CMPK1: variants seen among roughly 807,000 people sequenced by gnomAD.
CMPK1 encodes UMP-CMP kinase.
CMPK1 carries 10 observed loss-of-function variants against 25.7 expected under a neutral mutation model. That is an observed-to-expected ratio of 0.39 (90% CI 0.24 to 0.66). CMPK1 has a LOEUF of 0.66. Ranked by LOEUF, CMPK1 falls within the 30% of genes least tolerant of loss-of-function variation. CMPK1 has a pLI of 0.48. For synonymous variants in CMPK1, 106 were observed against 101.5 expected, an observed-to-expected ratio of 1.04 and a Z score of -0.27; for missense variants, 199 against 280.5, an observed-to-expected ratio of 0.71 and a Z score of 2.08.
chr1:47,345,442 G>A (rs1339072292), intron 1 of CMPK1, among the ~76,000 whole-genome samples: 1 of 150,824 alleles, frequency 6.6e-6, no homozygotes, highest in Non-Finnish European at 1.5e-5. Flanking sequence ...TTGAAGAAAT[G>A]ATACATAGAA....
At position 47,376,645 on chromosome 1, in the gene CMPK1, C is replaced by T. The variant is rs1646710451; in HGVS notation, c.646-59C>T. ...TTGATTATTTTTAATAAGAACTTAG[C>T]TGTATGGTATTTTAACAGTACCTGC... On this transcript the variant is annotated intron_variant, in intron 5 of 5. Transcript: ENST00000371873. 4.7e-6 allele frequency: 5 copies of T among 1,068,878 alleles called. No individual in the cohort carries two copies. In the African/African-American group the frequency reaches 4.7e-5, roughly 10 times the overall value. The allele number at this position is 1,068,878 out of a possible 1,614,324, so 66.2% of individuals were successfully genotyped here.
At chr1:47,349,240 G>A (rs1646505214) in intron 1 of CMPK1, among the ~76,000 whole-genome samples, 1 of 152,128 alleles carries the variant, frequency 6.6e-6, no homozygotes, top group African/African-American at 2.4e-5. Context: ...GCTTGAAGAC[G>A]AAAGACTGCA....
chr1:47,343,450 G>T (rs983152134), intron 1 of CMPK1, among the ~76,000 whole-genome samples: 2 of 151,424 alleles, frequency 1.3e-5, no homozygotes, highest in African/African-American at 4.8e-5. Flanking sequence ...GGACGTCGTA[G>T]TGAGCCAAGA....
At chr1:47,369,254 C>T (rs6698471) in intron 2 of CMPK1, among the ~76,000 whole-genome samples, 40,674 of 152,032 alleles carry the variant, frequency 0.27, 5,715 homozygotes, top group Non-Finnish European at 0.31. Flanking sequence ...GATCCTCTCA[C>T]CTCGGCCTCC....
At chr1:47,337,637 G>A (rs1282029502) in intron 1 of CMPK1, among the ~76,000 whole-genome samples, 1 of 146,164 alleles carries the variant, frequency 6.8e-6, no homozygotes, top group Non-Finnish European at 1.5e-5. Flanking sequence ...TTTTTGAGAC[G>A]AAGTGTCACG....
chr1:47,347,297 A>C (rs775980296), intron 1 of CMPK1, among the ~76,000 whole-genome samples: 2 of 149,932 alleles, frequency 1.3e-5, no homozygotes, highest in Non-Finnish European at 3.0e-5. Context: ...GCAGCCTCCA[A>C]CTCCTGGACT....
At chr1:47,334,929 C>G (rs1174733385) in intron 1 of CMPK1, among the ~76,000 whole-genome samples, 1 of 152,092 alleles carries the variant, frequency 6.6e-6, no homozygotes, top group East Asian at 1.9e-4. Context: ...AATGCTGTTA[C>G]TTTTTTTTCT....
chr1:47,356,982 G>C (rs1397524048), intron 1 of CMPK1, among the ~76,000 whole-genome samples: 4 of 68,928 alleles, frequency 5.8e-5, no homozygotes, highest in Middle Eastern at 0.02. Flanking sequence ...TTTTTTTTTT[G>C]AGACCGAGTC....
Position 47,355,838 on chromosome 1 carries a change from C to T in CMPK1, c.172-12631C>T, listed in dbSNP as rs377329206. Reference sequence around the variant, plus strand: ...GCCAGGCTGGTCTTGAATTTGACCTCGGGTGATTAGCCCACCTCAGCCTCC... The same window carrying T: ...GCCAGGCTGGTCTTGAATTTGACCTTGGGTGATTAGCCCACCTCAGCCTCC... On this transcript the variant is annotated intron_variant, in intron 1 of 5. Transcript: ENST00000371873. Among the ~76,000 whole-genome samples the T allele has an allele frequency of 4.4e-4, 67 of 152,036 alleles. No homozygotes were observed. In the East Asian group the frequency reaches 0.012, roughly 26 times the overall value.
chr1:47,369,187 G>A (rs1431365340), intron 2 of CMPK1, among the ~76,000 whole-genome samples: 2 of 151,898 alleles, frequency 1.3e-5, no homozygotes, highest in Non-Finnish European at 2.9e-5. Context: ...TCTATTTTTT[G>A]TGGAGACAGG....
At chr1:47,345,592 C>T (rs1646477423) in intron 1 of CMPK1, among the ~76,000 whole-genome samples, 2 of 150,420 alleles carry the variant, frequency 1.3e-5, no homozygotes, top group African/African-American at 4.9e-5. Context: ...CTCCTGGGTT[C>T]ACACCGTTCT....
intron 1 of CMPK1, among the ~76,000 whole-genome samples, chr1:47,349,925 T>C (rs905802376): frequency 6.6e-6 from 1 of 151,976 alleles, no homozygotes; most frequent in South Asian, 2.1e-4. Context: ...CTGTCTCAGC[T>C]TCCTAAGTAG....
At chr1:47,345,516 C>G (rs1286384081) in intron 1 of CMPK1, among the ~76,000 whole-genome samples, 1 of 136,806 alleles carries the variant, frequency 7.3e-6, no homozygotes, top group Non-Finnish European at 1.6e-5. Flanking sequence ...TTTTTTGAGA[C>G]AGAGTCTCAC....
intron 1 of CMPK1, among the ~76,000 whole-genome samples, chr1:47,357,383 G>GT (rs1174068121): frequency 2.6e-5 from 4 of 151,876 alleles, no homozygotes; most frequent in African/African-American, 9.7e-5. Flanking sequence ...CCAGCATCTG[G>GT]TGAGGGCCTT....
At chr1:47,373,231 G>A in intron 3 of CMPK1, 124 bp downstream of exon 3, 1 of 857,784 alleles carries the variant, frequency 1.2e-6, no homozygotes, top group Non-Finnish European at 1.7e-6. Context: ...TTGGTAGATT[G>A]GATGGACGGA....
intron 1 of CMPK1, among the ~76,000 whole-genome samples, chr1:47,334,826 C>T (rs1042490397): frequency 1.3e-5 from 2 of 152,230 alleles, no homozygotes; most frequent in Non-Finnish European, 1.5e-5. Context: ...TCGGTCACTT[C>T]CTGTCTCCCA....
At chr1:47,345,153 G>A (rs956978627) in intron 1 of CMPK1, among the ~76,000 whole-genome samples, 2 of 152,040 alleles carry the variant, frequency 1.3e-5, no homozygotes, top group Admixed American at 6.6e-5. Flanking sequence ...CCTGACCTCA[G>A]GTGATCCGCC....
intron 1 of CMPK1, among the ~76,000 whole-genome samples, chr1:47,337,206 C>T (rs1047743829): frequency 3.3e-5 from 5 of 152,060 alleles, no homozygotes; most frequent in South Asian, 2.1e-4. Flanking sequence ...TGGCATGAAC[C>T]GGGGAGGCGG....
At chr1:47,363,286 G>T (rs1646615837) in intron 1 of CMPK1, among the ~76,000 whole-genome samples, 1 of 152,126 alleles carries the variant, frequency 6.6e-6, no homozygotes, top group Non-Finnish European at 1.5e-5. Context: ...ATCCTAAATT[G>T]AACCATCCGA....
Sources: gnomAD v4.1 joint callset for allele counts (sites outside exome capture counted in the v4.1 genomes callset) on GRCh38, gnomAD v4.1.1 for gene constraint, MANE v1.5 for transcripts, NCBI Gene and HGNC (gene_info 2026-07-23, HGNC 2026-07-21) for gene names.